ERFL: variants seen among roughly 807,000 people sequenced by gnomAD.
ERFL encodes ETS domain-containing transcription factor ERF-like.
Under a neutral mutation model 27.9 loss-of-function variants are expected in ERFL, and 8 were observed. The observed-to-expected ratio is 0.29, with a 90% CI of 0.17 to 0.52. The LOEUF (loss-of-function observed/expected upper bound fraction) is 0.52, where lower values mean the gene tolerates loss of function less well. ERFL is among the 20% of genes least tolerant of loss of function. The pLI, the probability that ERFL is intolerant of heterozygous loss-of-function variation, is 0.97. For synonymous variants in ERFL, 174 were observed against 202.8 expected, an observed-to-expected ratio of 0.86 and a Z score of 1.21; for missense variants, 294 against 444.4, an observed-to-expected ratio of 0.66 and a Z score of 3.04.
intron 1 of ERFL, among the ~76,000 whole-genome samples, chr19:41,918,685 ACAC>A (rs1364233274): frequency 4.1e-5 from 6 of 145,804 alleles, no homozygotes. Flanking sequence ...CACACCACAC[ACAC>A]CACATATCCG....
chr19:41,922,693 G>T (rs781876050), intron 1 of ERFL, among the ~76,000 whole-genome samples: 1 of 152,094 alleles, frequency 6.6e-6, no homozygotes, highest in African/African-American at 2.4e-5. Context: ...GCTGGGTGCC[G>T]GGCCACCAGG....
intron 1 of ERFL, among the ~76,000 whole-genome samples, chr19:41,919,155 C>T (rs1284174086): frequency 6.6e-6 from 1 of 151,964 alleles, no homozygotes; most frequent in African/African-American, 2.4e-5. Flanking sequence ...ACTCACACAC[C>T]ACTCGCAGCT....
chr19:41,912,221 G>A (rs1265259489), intron 2 of ERFL, among the ~76,000 whole-genome samples: 1 of 152,188 alleles, frequency 6.6e-6, no homozygotes, highest in Admixed American at 6.5e-5. Context: ...CATTCTCCCA[G>A]TGTGACCCCT....
chr19:41,922,656 G>T (rs1238530905), intron 1 of ERFL, among the ~76,000 whole-genome samples: 1 of 152,072 alleles, frequency 6.6e-6, no homozygotes, highest in Non-Finnish European at 1.5e-5. Flanking sequence ...AGGGCAAGGG[G>T]CGGGGCCTGG....
chr19:41,924,546 A>G (rs2074860578), intron 1 of ERFL, among the ~76,000 whole-genome samples: 1 of 151,940 alleles, frequency 6.6e-6, no homozygotes, highest in South Asian at 2.1e-4. Context: ...CGTTGTCGCC[A>G]TCAGTATATA....
At chr19:41,925,375 C>G (rs574774179) in intron 1 of ERFL, among the ~76,000 whole-genome samples, 1 of 151,918 alleles carries the variant, frequency 6.6e-6, no homozygotes, top group Non-Finnish European at 1.5e-5. Flanking sequence ...TGTGGGAAAA[C>G]AGGTATACAG....
chr19:41,921,919 A>C lies in ERFL; in HGVS notation c.-14+6121T>G. Among the ~76,000 whole-genome samples, 3 of 142,574 alleles carry C rather than the reference A, an allele frequency of 2.1e-5. No homozygotes were observed. Among genetic ancestry groups the C allele is most frequent in the African/African-American group, 7.9e-5 (3 of 37,846 alleles). The allele number at this position is 142,574 out of a possible 152,430, so 93.5% of individuals were successfully genotyped here. ...CTCCACCAGGCCCCACCCCACCCAG[A>C]CCCCAGCTCCATCCTCTACCTCTCC... On this transcript the variant is annotated intron_variant, in intron 1 of 5. Transcript: ENST00000597630. The surrounding 1 kb of genome is among the most constrained non-coding windows in gnomAD (Gnocchi z 4.4).
Position 41,909,374 on chromosome 19 carries a change from G to C in ERFL, c.400C>G (p.Leu134Val). The change falls in exon 4 of 6, where the codon CTG becomes GTG. Residue 134 changes from leucine to valine, a missense_variant. Physicochemically the swap from Leu to Val is conservative, Grantham distance 32 (BLOSUM62 1). This residue lies in a region of ERFL where 246 missense variants were observed against 371.4 expected (regional missense o/e 0.66). Coordinates refer to ENST00000597630, the MANE Select transcript of ERFL (RefSeq NM_001365103.2). This position sits in a 1 kb window ranked among gnomAD's most constrained non-coding sequence, Gnocchi z 5.2. ...SKVVLVNYPL[L>V]DMAAAATGSP... Reference sequence around the variant, plus strand: ...CCAGTGGCAGCTGCCGCCATGTCCAGCAGCGGGTAATTGACAAGCACGACT... The same window carrying C: ...CCAGTGGCAGCTGCCGCCATGTCCACCAGCGGGTAATTGACAAGCACGACT... 1 of 1,236,926 alleles carries C rather than the reference G, an allele frequency of 8.1e-7. No homozygotes were observed. Among genetic ancestry groups the C allele is most frequent in the East Asian group, 3.2e-5 (1 of 31,728 alleles). The allele number at this position is 1,236,926 out of a possible 1,614,324, so 76.6% of individuals were successfully genotyped here.
intron 1 of ERFL, 50 bp downstream of exon 1, chr19:41,927,990 G>C (rs547197682): frequency 7.4e-4 from 112 of 150,974 alleles, no homozygotes; most frequent in African/African-American, 2.5e-3. Flanking sequence ...TCCTGGGGCG[G>C]GAATCCCCGC....
rs1555852020 is a variant in ERFL at position 41,917,041 on chromosome 19, G to A, written c.-13-4109C>T. Among the ~76,000 whole-genome samples, 1 of 151,992 alleles carries A rather than the reference G, an allele frequency of 6.6e-6. No individual in the cohort carries two copies. Among genetic ancestry groups the A allele is most frequent in the African/African-American group, 2.4e-5 (1 of 41,326 alleles). On this transcript the variant is annotated intron_variant, in intron 1 of 5. Coordinates refer to ENST00000597630, the MANE Select transcript of ERFL (RefSeq NM_001365103.2). This position sits in a 1 kb window ranked among gnomAD's most constrained non-coding sequence, Gnocchi z 4.8. Reference sequence around the variant, plus strand: ...GTGTGTGTGTGCACATATGTGACACGTGCCCTTGTCTCAGACCTGCTTCTG... The same window carrying A: ...GTGTGTGTGTGCACATATGTGACACATGCCCTTGTCTCAGACCTGCTTCTG...
rs868916370 is a variant in ERFL at position 41,910,669 on chromosome 19, C to T, written c.68-572G>A. Among the ~76,000 whole-genome samples, 2 of 152,290 alleles carry T rather than the reference C, an allele frequency of 1.3e-5. No homozygotes were observed. Among genetic ancestry groups the T allele is most frequent in the African/African-American group, 4.8e-5 (2 of 41,542 alleles). ...TGTACCTTTCCCGTCCCTGTGTCCC[C>T]TCCACCCCATATCCATGCCCATGTC... is the stretch of plus-strand genomic sequence containing the variant. On this transcript the variant is annotated intron_variant, in intron 2 of 5. Transcript: ENST00000597630. The surrounding 1 kb of genome is among the most constrained non-coding windows in gnomAD (Gnocchi z 4.4).
intron 1 of ERFL, among the ~76,000 whole-genome samples, 158 bp downstream of exon 1, chr19:41,927,882 C>T (rs1555853405): frequency 6.6e-6 from 1 of 152,038 alleles, no homozygotes; most frequent in African/African-American, 2.4e-5. Context: ...CCCACCTGCC[C>T]CTTACAGCCG....
At chr19:41,913,496 C>T (rs1555851455) in intron 1 of ERFL, among the ~76,000 whole-genome samples, 2 of 151,822 alleles carry the variant, frequency 1.3e-5, no homozygotes, top group African/African-American at 4.8e-5. Flanking sequence ...GACCCGCAGC[C>T]GCCCAGGACG....
In ERFL at chr19:41,919,160, G is replaced by C. The variant is rs535089054; in HGVS notation, c.-13-6228C>G. ...CACACACCACACTCACACACCACTC[G>C]CAGCTTACTACTCTCAATACCACAC... On this transcript the variant is annotated intron_variant, in intron 1 of 5. Transcript: ENST00000597630. Among the ~76,000 whole-genome samples, 3 of 151,478 alleles carry C rather than the reference G, an allele frequency of 2.0e-5. No homozygotes were observed. In the South Asian group the frequency reaches 6.3e-4, roughly 32 times the overall value.
chr19:41,911,011 A>G (rs975626062), intron 2 of ERFL, among the ~76,000 whole-genome samples: 1 of 152,200 alleles, frequency 6.6e-6, no homozygotes, highest in Non-Finnish European at 1.5e-5. Flanking sequence ...CCAAATGCCC[A>G]AAGAACACAC....
At chr19:41,927,611 A>C (rs1555853383) in intron 1 of ERFL, among the ~76,000 whole-genome samples, 1 of 152,014 alleles carries the variant, frequency 6.6e-6, no homozygotes. Flanking sequence ...TAGGTCCCAA[A>C]TATGCAAGCC....
At position 41,908,342 on chromosome 19, in the gene ERFL, G is replaced by A. The variant is rs184878824; in HGVS notation, c.951C>T (p.Ser317=). 5.7e-6 allele frequency: 7 copies of A among 1,231,430 alleles called. No individual in the cohort carries two copies. Among genetic ancestry groups the A allele is most frequent in the South Asian group, 8.2e-5 (2 of 24,324 alleles). The allele number at this position is 1,231,430 out of a possible 1,614,324, so 76.3% of individuals were successfully genotyped here. Reference sequence around the variant, plus strand: ...CGTCGGTGATCTCCAGCTCCGAGTCGCTGTCCTCCTTCCCACCAAGGGCAG... The same window carrying A: ...CGTCGGTGATCTCCAGCTCCGAGTCACTGTCCTCCTTCCCACCAAGGGCAG... ...PEAALGGKED[S]DSELEITDVS... is the part of the protein sequence containing the mutation. The change falls in exon 6 of 6, where the codon AGC becomes AGT. Residue 317 remains serine, a synonymous_variant. Transcript: ENST00000597630. The surrounding 1 kb of genome is among the most constrained non-coding windows in gnomAD (Gnocchi z 6.7).
chr19:41,919,362 C>T (rs542248273), intron 1 of ERFL, among the ~76,000 whole-genome samples: 1 of 152,282 alleles, frequency 6.6e-6, no homozygotes, highest in African/African-American at 2.4e-5. Flanking sequence ...AAACATGCAA[C>T]CACACAAACA....
At chr19:41,920,763 G>C (rs566520901) in intron 1 of ERFL, among the ~76,000 whole-genome samples, 4 of 152,258 alleles carry the variant, frequency 2.6e-5, no homozygotes, top group Non-Finnish European at 5.9e-5. Context: ...AGGACACACA[G>C]AGGGACAGAA....
Sources: allele counts gnomAD v4.1 joint callset (sites outside exome capture counted in the v4.1 genomes callset), GRCh38; gene constraint gnomAD v4.1.1; regional missense constraint gnomAD v4.1.1; non-coding constraint Gnocchi (gnomAD v3.1); transcripts MANE v1.5; gene names NCBI Gene and HGNC (gene_info 2026-07-23, HGNC 2026-07-21).